MTA3: variants seen among roughly 807,000 people sequenced by gnomAD.
The protein encoded by MTA3 is metastasis associated 1 family member 3.
Under a neutral mutation model 83.5 loss-of-function variants are expected in MTA3, and 34 were observed. The ratio of observed to expected loss-of-function variants is 0.41; its 90% CI spans 0.31 to 0.54. The LOEUF (loss-of-function observed/expected upper bound fraction) is 0.54, where lower values mean the gene tolerates loss of function less well. Among genes scored for constraint, MTA3 ranks in the 20% least tolerant of loss-of-function variants. MTA3 has a pLI of 0.33. For missense variants in MTA3, 761 were observed against 726.4 expected (o/e 1.05, Z -0.55); for synonymous variants, 303 against 252.7 (o/e 1.20, Z -1.89).
chr2:42,745,711 A>G (rs2374439), intron 16 of MTA3, among the ~76,000 whole-genome samples: 2 of 151,920 alleles, frequency 1.3e-5, no homozygotes, highest in African/African-American at 4.8e-5. Context: ...TTATATGCCA[A>G]CCAGATGTAT....
intron 4 of MTA3, among the ~76,000 whole-genome samples, chr2:42,624,507 G>C (rs945590713): frequency 6.6e-6 from 1 of 151,966 alleles, no homozygotes; most frequent in African/African-American, 2.4e-5. Context: ...TTTCAGTAGA[G>C]ACAGGGTTTC....
intron 4 of MTA3, among the ~76,000 whole-genome samples, chr2:42,621,778 G>GAT (rs1306942321): frequency 1.3e-5 from 2 of 151,654 alleles, no homozygotes; most frequent in African/African-American, 4.9e-5. Flanking sequence ...CTTCTCAGAC[G>GAT]GGGCGGCTGG....
rs141993233 is a variant in MTA3 at position 42,586,534 on chromosome 2, AACACAC to A, written c.190+7342_190+7347del. Among the ~76,000 whole-genome samples, 3 of 131,280 alleles carry A rather than the reference AACACAC, an allele frequency of 2.3e-5. 1 individual carries two copies. Among genetic ancestry groups the A allele is most frequent in the Non-Finnish European group, 4.9e-5 (3 of 61,788 alleles). The allele number at this position is 131,280 out of a possible 152,430, so 86.1% of individuals were successfully genotyped here. A position where few individuals can be genotyped will look rare whatever the true frequency, so the allele number is the denominator to read the frequency against. The stretch of plus-strand genomic sequence containing the variant: ...CACACAAACACACAAAGGAAGGAAA[AACACAC>A]ACACACAAGGAAGGAAAACACACAC... On this transcript the variant is annotated intron_variant, in intron 3 of 16. Transcript: ENST00000405094.
upstream of MTA3, among the ~76,000 whole-genome samples, chr2:42,565,349 CTTTTT>C (rs773703863): frequency 1.5e-5 from 2 of 133,976 alleles, no homozygotes; most frequent in African/African-American, 2.7e-5. Flanking sequence ...AACTGGCTAA[CTTTTT>C]TTTTTTTTTT....
At chr2:42,622,573 A>G (rs1191198181) in intron 4 of MTA3, among the ~76,000 whole-genome samples, 1 of 152,192 alleles carries the variant, frequency 6.6e-6, no homozygotes, top group Non-Finnish European at 1.5e-5. Flanking sequence ...CAACATGGTA[A>G]ATGTTGATAC....
At chr2:42,655,858 C>T (rs1219204548) in intron 6 of MTA3, among the ~76,000 whole-genome samples, 1 of 152,230 alleles carries the variant, frequency 6.6e-6, no homozygotes, top group Non-Finnish European at 1.5e-5. Context: ...CTGCCTCGGC[C>T]TCCCAAAGTG....
chr2:42,681,136 T>C (rs1480422854), intron 8 of MTA3, among the ~76,000 whole-genome samples: 2 of 152,202 alleles, frequency 1.3e-5, no homozygotes, highest in African/African-American at 4.8e-5. Context: ...TGTTCTAATC[T>C]ATCTTTTCTC....
At chr2:42,751,730 G>T (rs1157929362) in intron 16 of MTA3, among the ~76,000 whole-genome samples, 3 of 152,224 alleles carry the variant, frequency 2.0e-5, no homozygotes, top group Non-Finnish European at 4.4e-5. Flanking sequence ...ACCATGGCAG[G>T]CTAGAAACTT....
chr2:42,721,584 C>G (rs141968292), intron 15 of MTA3, among the ~76,000 whole-genome samples: 1 of 152,146 alleles, frequency 6.6e-6, no homozygotes, highest in Non-Finnish European at 1.5e-5. Flanking sequence ...CCACCTTGGC[C>G]TCCCAAAGTA....
chr2:42,667,510 A>C (rs181465626), intron 8 of MTA3, among the ~76,000 whole-genome samples: 4 of 151,112 alleles, frequency 2.6e-5, no homozygotes, highest in Admixed American at 2.0e-4. Flanking sequence ...ATTTTCACTT[A>C]GCATGTTTTC....
intron 3 of MTA3, among the ~76,000 whole-genome samples, chr2:42,581,625 C>T (rs1371140317): frequency 6.6e-6 from 1 of 151,594 alleles, no homozygotes; most frequent in Non-Finnish European, 1.5e-5. Flanking sequence ...TCAAGCAGTC[C>T]TCCGACCTCG....
At chr2:42,643,510 G>T (rs888787469) in intron 5 of MTA3, among the ~76,000 whole-genome samples, 1 of 152,074 alleles carries the variant, frequency 6.6e-6, no homozygotes, top group African/African-American at 2.4e-5. Context: ...CATGTATATA[G>T]CTATGTTTGT....
intron 12 of MTA3, among the ~76,000 whole-genome samples, chr2:42,705,767 T>C (rs972018680): frequency 4.6e-5 from 7 of 152,294 alleles, no homozygotes; most frequent in Admixed American, 4.6e-4. Context: ...TATATCCCCT[T>C]AAATGATTAT....
intron 2 of MTA3, among the ~76,000 whole-genome samples, chr2:42,532,387 G>A (rs891629947): frequency 5.9e-5 from 9 of 152,128 alleles, no homozygotes; most frequent in Admixed American, 4.6e-4. Context: ...GCGGGTGACT[G>A]TAATCCCAAC....
intron 2 of MTA3, among the ~76,000 whole-genome samples, chr2:42,527,105 G>A (rs1222764911): frequency 1.3e-5 from 2 of 148,706 alleles, no homozygotes; most frequent in Admixed American, 6.7e-5. Context: ...GCGGACTAGA[G>A]GTTACAAATG....
rs76673926 is a variant in MTA3 at position 42,739,941 on chromosome 2, C to T, written c.1760-13433C>T. Among the ~76,000 whole-genome samples the T allele has an allele frequency of 1.9e-3, 290 of 152,324 alleles. 1 individual carries two copies. The highest frequency in any genetic ancestry group is 6.6e-3 in the African/African-American group (276 of 41,566). Reference sequence around the variant, plus strand: ...AGGTTCCACTTCTCATTCTAATTCTCCTGCTATGTCCACCATATCTGCAGT... The same window carrying T: ...AGGTTCCACTTCTCATTCTAATTCTTCTGCTATGTCCACCATATCTGCAGT... On this transcript the variant is annotated intron_variant, in intron 16 of 16. Coordinates refer to ENST00000405094, the MANE Select transcript of MTA3 (RefSeq NM_001330442.2).
intron 2 of MTA3, among the ~76,000 whole-genome samples, chr2:42,534,937 C>A (rs769324576): frequency 5.9e-5 from 9 of 151,758 alleles, no homozygotes; most frequent in Non-Finnish European, 1.2e-4. Context: ...GCATGGATTT[C>A]TAACAGCCTT....
At chr2:42,555,455 CAAAAAAA>C (rs146740409) in intron 2 of MTA3, among the ~76,000 whole-genome samples, 1 of 54,350 alleles carries the variant, frequency 1.8e-5, no homozygotes, top group African/African-American at 8.4e-5. Context: ...AACTCCATCT[CAAAAAAA>C]AAAAAAAAAA....
At chr2:42,654,796 T>G (rs1689014205) in intron 6 of MTA3, among the ~76,000 whole-genome samples, 1 of 152,180 alleles carries the variant, frequency 6.6e-6, no homozygotes, top group Non-Finnish European at 1.5e-5. Flanking sequence ...ATTTATTTTT[T>G]GTAGAGTTGG....
Sources: gnomAD v4.1 joint callset for allele counts (sites outside exome capture counted in the v4.1 genomes callset) on GRCh38, gnomAD v4.1.1 for gene constraint, MANE v1.5 for transcripts, NCBI Gene and HGNC (gene_info 2026-07-23, HGNC 2026-07-21) for gene names.